Variants in NTNG1 observed in about 807,000 individuals in gnomAD.
NTNG1 encodes the protein netrin G1.
In NTNG1, 16 loss-of-function variants were observed where a neutral mutation model predicts 54.0. The observed-to-expected ratio is 0.30, with a 90% CI of 0.20 to 0.45. The LOEUF is 0.45. NTNG1 is among the 20% of genes least tolerant of loss of function. NTNG1 has a pLI of 1.00. For synonymous variants in NTNG1, 255 were observed against 263.1 expected, an observed-to-expected ratio of 0.97 and a Z score of 0.30; for missense variants, 530 against 678.7, an observed-to-expected ratio of 0.78 and a Z score of 2.43.
chr1:107,376,417 C>CAAAA (rs59015235), intron 3 of NTNG1, among the ~76,000 whole-genome samples: 24 of 148,042 alleles, frequency 1.6e-4, no homozygotes, highest in Middle Eastern at 3.6e-3. Flanking sequence ...CAAAACAAAA[C>CAAAA]AAAAAAAAAA....
intron 7 of NTNG1, among the ~76,000 whole-genome samples, chr1:107,457,313 T>C (rs990852732): frequency 6.6e-6 from 1 of 152,228 alleles, no homozygotes; most frequent in Non-Finnish European, 1.5e-5. Context: ...ATACTTCAGC[T>C]TAAAAGAGCA....
At chr1:107,396,977 C>A (rs945622183) in intron 4 of NTNG1, among the ~76,000 whole-genome samples, 13 of 152,196 alleles carry the variant, frequency 8.5e-5, no homozygotes, top group African/African-American at 3.1e-4. Context: ...GACATTTTCA[C>A]TGGAAAGACT....
chr1:107,415,070 A>G (rs770609513), intron 5 of NTNG1, among the ~76,000 whole-genome samples: 4 of 152,170 alleles, frequency 2.6e-5, no homozygotes, highest in Non-Finnish European at 5.9e-5. Context: ...TCCATACTAC[A>G]TATGTAGACA....
chr1:107,278,738 CA>C (rs1469501284), intron 2 of NTNG1, among the ~76,000 whole-genome samples: 3 of 151,858 alleles, frequency 2.0e-5, no homozygotes, highest in African/African-American at 7.2e-5. Flanking sequence ...CTCCTTTTTT[CA>C]TTGTTTGATG....
chr1:107,401,319 G>A (rs1334107605), intron 4 of NTNG1, among the ~76,000 whole-genome samples: 2 of 152,128 alleles, frequency 1.3e-5, no homozygotes, highest in African/African-American at 4.8e-5. Flanking sequence ...CCACATATGT[G>A]TATGACCAAG....
intron 2 of NTNG1, among the ~76,000 whole-genome samples, chr1:107,222,964 A>G (rs1487054851): frequency 6.6e-6 from 1 of 151,918 alleles, no homozygotes; most frequent in Non-Finnish European, 1.5e-5. Context: ...AAAGGCATGA[A>G]TTTCATTTTA....
intron 2 of NTNG1, among the ~76,000 whole-genome samples, chr1:107,217,267 A>G (rs1660031709): frequency 6.6e-6 from 1 of 151,974 alleles, no homozygotes; most frequent in African/African-American, 2.4e-5. Flanking sequence ...GACCTTCTGT[A>G]TTTCTGTGGT....
chr1:107,464,385 G>A (rs1166530102), intron 7 of NTNG1, among the ~76,000 whole-genome samples: 1 of 152,156 alleles, frequency 6.6e-6, no homozygotes, highest in Non-Finnish European at 1.5e-5. Context: ...AGGCTGAAGG[G>A]ATGTTCAAAA....
At chr1:107,470,222 T>A (rs1677891604) in intron 7 of NTNG1, among the ~76,000 whole-genome samples, 1 of 152,212 alleles carries the variant, frequency 6.6e-6, no homozygotes, top group Admixed American at 6.5e-5. Context: ...ATACTGAAAT[T>A]TGATAAAATG....
intron 3 of NTNG1, among the ~76,000 whole-genome samples, chr1:107,362,507 T>C (rs1670360967): frequency 6.6e-6 from 1 of 152,178 alleles, no homozygotes; most frequent in South Asian, 2.1e-4. Context: ...AGTAGGAACA[T>C]GAATTAGTCT....
At chr1:107,181,403 T>A (rs1456666071) in intron 2 of NTNG1, among the ~76,000 whole-genome samples, 16 of 152,190 alleles carry the variant, frequency 1.1e-4, no homozygotes, top group Admixed American at 7.2e-4. Flanking sequence ...ATTGAGTACC[T>A]TTTAAGTGGC....
intron 3 of NTNG1, among the ~76,000 whole-genome samples, chr1:107,364,934 A>G (rs1463070578): frequency 6.6e-6 from 1 of 152,226 alleles, no homozygotes; most frequent in East Asian, 1.9e-4. Flanking sequence ...CCCAAAGTAT[A>G]GCACTTGTAA....
intron 3 of NTNG1, among the ~76,000 whole-genome samples, chr1:107,355,050 A>G (rs1669855669): frequency 6.6e-6 from 1 of 152,042 alleles, no homozygotes; most frequent in Non-Finnish European, 1.5e-5. Flanking sequence ...CTTATCATTG[A>G]ATTTTTCATT....
chr1:107,469,658 C>A (rs569860104), intron 7 of NTNG1, among the ~76,000 whole-genome samples: 1 of 152,082 alleles, frequency 6.6e-6, no homozygotes, highest in South Asian at 2.1e-4. Flanking sequence ...TGGGTTCGAC[C>A]ATGTTGGCTG....
At chr1:107,238,014 C>G (rs531743530) in intron 2 of NTNG1, among the ~76,000 whole-genome samples, 1 of 152,212 alleles carries the variant, frequency 6.6e-6, no homozygotes, top group South Asian at 2.1e-4. Flanking sequence ...AATGGTAGAC[C>G]CACTGACAGC....
At chr1:107,157,753 C>T (rs1260454630) in intron 2 of NTNG1, among the ~76,000 whole-genome samples, 4 of 151,914 alleles carry the variant, frequency 2.6e-5, no homozygotes, top group Admixed American at 1.3e-4. Context: ...GTTTTAACTC[C>T]TTTGTACTTT....
At chr1:107,313,441 A>G (rs1279784064) in intron 2 of NTNG1, among the ~76,000 whole-genome samples, 1 of 152,184 alleles carries the variant, frequency 6.6e-6, no homozygotes, top group Non-Finnish European at 1.5e-5. Context: ...TCTAATAAGT[A>G]CTTGAATAGA....
chr1:107,386,004 A>G (rs1019213221), intron 3 of NTNG1, among the ~76,000 whole-genome samples: 3 of 148,710 alleles, frequency 2.0e-5, no homozygotes, highest in African/African-American at 7.5e-5. Flanking sequence ...CCTGGCATCC[A>G]CTAATCTACT....
chr1:107,191,733 G>A (rs1266357509), intron 2 of NTNG1, among the ~76,000 whole-genome samples: 4 of 151,180 alleles, frequency 2.6e-5, no homozygotes, highest in Non-Finnish European at 4.4e-5. Flanking sequence ...AGATCAGATA[G>A]TTGTAGATAT....
Sources: gnomAD v4.1 joint callset for allele counts (sites outside exome capture counted in the v4.1 genomes callset) on GRCh38, gnomAD v4.1.1 for gene constraint, MANE v1.5 for transcripts, NCBI Gene and HGNC (gene_info 2026-07-23, HGNC 2026-07-21) for gene names.